Variants in SERINC5 observed in about 807,000 individuals in gnomAD.
SERINC5 encodes the protein serine incorporator 5.
SERINC5 carries 41 observed loss-of-function variants against 63.1 expected under a neutral mutation model. The observed-to-expected ratio is 0.65, with a 90% CI of 0.51 to 0.84. SERINC5 has a LOEUF of 0.84. Among genes scored for constraint, SERINC5 ranks in the 40% least tolerant of loss-of-function variants. SERINC5 has a pLI of 0.00. For synonymous variants in SERINC5, 222 were observed against 215.2 expected, an observed-to-expected ratio of 1.03 and a Z score of -0.28; for missense variants, 523 against 573.0, an observed-to-expected ratio of 0.91 and a Z score of 0.89.
At position 80,140,770 on chromosome 5, in the gene SERINC5, G is replaced by A; in HGVS notation, c.*2893C>T. 2 of 985,164 alleles carry A rather than the reference G, an allele frequency of 2.0e-6. No homozygotes were observed. Among genetic ancestry groups the A allele is most frequent in the Non-Finnish European group, 2.4e-6 (2 of 829,896 alleles). The allele number at this position is 985,164 out of a possible 1,614,324, so 61.0% of individuals were successfully genotyped here. ...TAGTGTTTTTACTCATAAAAATGAG[G>A]GGAAAACTTTTCTACATCAGACAAA... is the stretch of plus-strand genomic sequence containing the variant. On this transcript the variant is annotated 3_prime_UTR_variant, in exon 12 of 12. Transcript: ENST00000507668.
intron 2 of SERINC5, among the ~76,000 whole-genome samples, chr5:80,186,126 G>GAAAA (rs10554934): frequency 4.9e-5 from 3 of 61,408 alleles, no homozygotes; most frequent in Non-Finnish European, 9.5e-5. Context: ...TTCTTGTTTT[G>GAAAA]AAAAAAAAAA....
At chr5:80,144,322 TG>T (rs1364319413) in intron 11 of SERINC5, among the ~76,000 whole-genome samples, 3 of 152,198 alleles carry the variant, frequency 2.0e-5, no homozygotes, top group Non-Finnish European at 4.4e-5. Flanking sequence ...AACACCGCTG[TG>T]TAAGTTTTGT....
rs1745351784 is a variant in SERINC5 at position 80,139,110 on chromosome 5, T to C, written c.*4553A>G. Reference sequence around the variant, plus strand: ...TCAAACAGTAGATTTACCACACATATTGCATTTTCAAATTCTAATGTAGCA... The same window carrying C: ...TCAAACAGTAGATTTACCACACATACTGCATTTTCAAATTCTAATGTAGCA... On this transcript the variant is annotated 3_prime_UTR_variant, in exon 12 of 12. Transcript: ENST00000507668. 1.0e-6 allele frequency: 1 copy of C among 984,762 alleles called. No individual in the cohort carries two copies. The highest frequency in any genetic ancestry group is 1.2e-6 in the Non-Finnish European group (1 of 829,316). 61.0% of individuals were successfully genotyped at this position (984,762 alleles called of 1,614,324 possible).
intron 9 of SERINC5, among the ~76,000 whole-genome samples, chr5:80,149,343 T>C (rs1034122597): frequency 1.3e-5 from 2 of 150,494 alleles, no homozygotes; most frequent in African/African-American, 4.9e-5. Flanking sequence ...CTCAGCACAA[T>C]TTTCTCCTTT....
intron 4 of SERINC5, among the ~76,000 whole-genome samples, chr5:80,177,112 G>A (rs559640945): frequency 2.6e-4 from 40 of 152,282 alleles, no homozygotes; most frequent in African/African-American, 9.1e-4. Flanking sequence ...ACCCTACCTG[G>A]AAGTGGGATG....
intron 11 of SERINC5, among the ~76,000 whole-genome samples, chr5:80,131,468 G>C (rs548315831): frequency 2.3e-4 from 35 of 152,316 alleles, no homozygotes; most frequent in Non-Finnish European, 2.1e-4. Flanking sequence ...TGGGCCAAGT[G>C]CTATCCAAGG....
rs756068379 is a variant in SERINC5 at position 80,146,106 on chromosome 5, C to T, written c.1222G>A (p.Val408Ile). ...GCCACTCACTTGAACCAGTTGGTGA[C>T]GGTCATCATCACATACAGGGAAGCT... ...FLASLYVMMT[V>I]TNWFNYESAN... Residue 408 changes from valine to isoleucine, a missense_variant, in exon 11 of 12, where the codon GTC becomes ATC. Physicochemically the swap from Val to Ile is conservative, Grantham distance 29. Coordinates refer to ENST00000507668, the MANE Select transcript of SERINC5 (RefSeq NM_001174072.3). The T allele has an allele frequency of 1.9e-5, 31 of 1,613,856 alleles. No individual in the cohort carries two copies. Among genetic ancestry groups the T allele is most frequent in the East Asian group, 6.7e-5 (3 of 44,896 alleles).
At chr5:80,128,676 T>C (rs1744832167) in intron 11 of SERINC5, among the ~76,000 whole-genome samples, 1 of 152,130 alleles carries the variant, frequency 6.6e-6, no homozygotes, top group South Asian at 2.1e-4. Context: ...ATTGCCATAA[T>C]GGGGATTAGA....
At chr5:80,218,232 T>C (rs1750753190) in intron 1 of SERINC5, among the ~76,000 whole-genome samples, 1 of 152,166 alleles carries the variant, frequency 6.6e-6, no homozygotes, top group South Asian at 2.1e-4. Context: ...GCATTAACCC[T>C]GGGGTGGCCA....
At chr5:80,217,361 G>C (rs1750712286) in intron 1 of SERINC5, among the ~76,000 whole-genome samples, 2 of 152,122 alleles carry the variant, frequency 1.3e-5, no homozygotes, top group Admixed American at 1.3e-4. Flanking sequence ...CTTTCCAAGA[G>C]GTGCTATGTG....
Position 80,142,367 on chromosome 5 carries a change from G to C in SERINC5, c.*1296C>G. ...TCATGCCTCAGCCTTCGAGTAGCTG[G>C]CATTACAGGCACACGCTACCATGCC... is the stretch of plus-strand genomic sequence containing the variant. On this transcript the variant is annotated 3_prime_UTR_variant, in exon 12 of 12. Transcript: ENST00000507668. The C allele has an allele frequency of 1.2e-6, 1 of 842,672 alleles. No homozygotes were observed. Among genetic ancestry groups the C allele is most frequent in the South Asian group, 5.4e-5 (1 of 18,452 alleles). 52.2% of individuals were successfully genotyped at this position (842,672 alleles called of 1,614,324 possible).
intron 9 of SERINC5, 140 bp downstream of exon 9, chr5:80,150,742 T>C: frequency 1.4e-6 from 1 of 697,112 alleles, no homozygotes; most frequent in South Asian, 1.6e-5. Context: ...GGCCAGCATT[T>C]ATTTTTCTAT....
At chr5:80,161,332 C>T (rs1473181306) in intron 7 of SERINC5, among the ~76,000 whole-genome samples, 1 of 152,044 alleles carries the variant, frequency 6.6e-6, no homozygotes, top group Admixed American at 6.6e-5. Context: ...TAAGTGTTTC[C>T]GTTTCTCCAC....
At chr5:80,131,183 C>T (rs931860024) in intron 11 of SERINC5, among the ~76,000 whole-genome samples, 1 of 152,122 alleles carries the variant, frequency 6.6e-6, no homozygotes, top group South Asian at 2.1e-4. Flanking sequence ...TGAGAGGTAA[C>T]TGAATCATGG....
At chr5:80,244,046 T>C (rs1752058781) in intron 1 of SERINC5, among the ~76,000 whole-genome samples, 1 of 152,060 alleles carries the variant, frequency 6.6e-6, no homozygotes, top group Non-Finnish European at 1.5e-5. Context: ...CAGGAAGCTG[T>C]TTTCCTACTA....
chr5:80,231,867 A>T (rs1751452586), intron 1 of SERINC5, among the ~76,000 whole-genome samples: 1 of 152,112 alleles, frequency 6.6e-6, no homozygotes. Context: ...TTGGGAGGCC[A>T]AGAAGGGAGG....
At chr5:80,235,230 C>T (rs1751630745) in intron 1 of SERINC5, among the ~76,000 whole-genome samples, 1 of 152,182 alleles carries the variant, frequency 6.6e-6, no homozygotes, top group Admixed American at 6.5e-5. Context: ...AGCATAATGT[C>T]CTTGAGGTGC....
In SERINC5 at chr5:80,177,327, T is replaced by C; in HGVS notation, c.445A>G (p.Thr149Ala). 6.2e-7 allele frequency: 1 copy of C among 1,611,904 alleles called. No individual in the cohort carries two copies. The highest frequency in any genetic ancestry group is 8.5e-7 in the Non-Finnish European group (1 of 1,178,080). Residue 149 changes from threonine (T) to alanine (A), a missense_variant, in exon 4 of 12, where the codon ACC becomes GCC. By Grantham distance (58) the Thr-to-Ala change is moderately conservative. Coordinates refer to ENST00000507668, the MANE Select transcript of SERINC5 (RefSeq NM_001174072.3). ...SGAFFIPDQD[T>A]FLNAWRYVGA... ...ACCCCATTAGTACCGTTCAGAAAGG[T>C]GTCCTGATCTGGAATGAAGAAAGCT...
intron 1 of SERINC5, among the ~76,000 whole-genome samples, chr5:80,233,591 A>T (rs1448287607): frequency 1.3e-5 from 2 of 152,174 alleles, no homozygotes; most frequent in Admixed American, 1.3e-4. Flanking sequence ...GAATAAAAAT[A>T]AAACTAGGAC....
Sources: gnomAD v4.1 joint callset for allele counts (sites outside exome capture counted in the v4.1 genomes callset) on GRCh38, gnomAD v4.1.1 for gene constraint, MANE v1.5 for transcripts, NCBI Gene and HGNC (gene_info 2026-07-23, HGNC 2026-07-21) for gene names.